The following HS6ST3 variants were observed in gnomAD, a reference collection of about 807,000 sequenced individuals.
The protein encoded by HS6ST3 is heparan sulfate 6-O-sulfotransferase 3.
HS6ST3 carries 12 observed loss-of-function variants against 36.7 expected under a neutral mutation model. The ratio of observed to expected loss-of-function variants is 0.33; its 90% CI spans 0.21 to 0.53. The LOEUF (loss-of-function observed/expected upper bound fraction) is 0.53. HS6ST3 is among the 20% of genes least tolerant of loss of function. The pLI is 0.95. For synonymous variants in HS6ST3, 240 were observed against 257.5 expected (o/e 0.93, Z 0.65); for missense variants, 584 against 640.9 (o/e 0.91, Z 0.96).
intron 1 of HS6ST3, among the ~76,000 whole-genome samples, chr13:96,256,136 T>C (rs2054635719): frequency 6.6e-6 from 1 of 152,212 alleles, no homozygotes; most frequent in African/African-American, 2.4e-5. Flanking sequence ...CAAATGTTAT[T>C]GTATAGACGA....
At chr13:96,300,381 G>T in intron 1 of HS6ST3, among the ~76,000 whole-genome samples, 1 of 151,852 alleles carries the variant, frequency 6.6e-6, no homozygotes, top group Admixed American at 6.6e-5. Context: ...TAAACAACCA[G>T]ATCTCCTGAC....
intron 1 of HS6ST3, among the ~76,000 whole-genome samples, chr13:96,659,366 T>C (rs1449206158): frequency 6.6e-6 from 1 of 152,160 alleles, no homozygotes; most frequent in East Asian, 1.9e-4. Context: ...TCATTTGCCT[T>C]TTTCTTATTA....
intron 1 of HS6ST3, among the ~76,000 whole-genome samples, chr13:96,527,491 C>T (rs1455838404): frequency 6.6e-6 from 1 of 152,086 alleles, no homozygotes; most frequent in African/African-American, 2.4e-5. Context: ...AATAAATACA[C>T]AATGTAACTC....
At chr13:96,259,665 A>G (rs2054654539) in intron 1 of HS6ST3, among the ~76,000 whole-genome samples, 1 of 152,138 alleles carries the variant, frequency 6.6e-6, no homozygotes, top group Non-Finnish European at 1.5e-5. Flanking sequence ...TCATCTTTTA[A>G]ATTTTTCTTT....
intron 1 of HS6ST3, among the ~76,000 whole-genome samples, chr13:96,475,235 A>G (rs1381263153): frequency 6.6e-6 from 1 of 152,084 alleles, no homozygotes; most frequent in Non-Finnish European, 1.5e-5. Flanking sequence ...CTCGTTTTGG[A>G]TCAAGAAGAT....
chr13:96,478,457 G>A (rs545023172), intron 1 of HS6ST3, among the ~76,000 whole-genome samples: 49 of 152,218 alleles, frequency 3.2e-4, no homozygotes, highest in African/African-American at 1.0e-3. Context: ...GATGACAGAA[G>A]CAGCTGGCAG....
intron 1 of HS6ST3, among the ~76,000 whole-genome samples, chr13:96,392,258 G>T (rs2055399597): frequency 6.6e-6 from 1 of 151,996 alleles, no homozygotes; most frequent in South Asian, 2.1e-4. Context: ...CTTTGACCTG[G>T]CCACATTAAA....
At chr13:96,629,830 T>G (rs960836220) in intron 1 of HS6ST3, among the ~76,000 whole-genome samples, 2 of 152,072 alleles carry the variant, frequency 1.3e-5, no homozygotes, top group Admixed American at 6.5e-5. Context: ...CTAAATGCAA[T>G]GTTTTTTTTT....
chr13:96,415,577 C>G (rs1017542165), intron 1 of HS6ST3, among the ~76,000 whole-genome samples: 2 of 152,148 alleles, frequency 1.3e-5, no homozygotes, highest in African/African-American at 4.8e-5. Context: ...GGAAATAAGA[C>G]CAGCTTGCAT....
chr13:96,245,462 C>G (rs1469182908), intron 1 of HS6ST3, among the ~76,000 whole-genome samples: 1 of 152,164 alleles, frequency 6.6e-6, no homozygotes, highest in Non-Finnish European at 1.5e-5. Flanking sequence ...TCGGCCCATT[C>G]ATGGTGTCTA....
chr13:96,467,192 A>G (rs1194695793), intron 1 of HS6ST3, among the ~76,000 whole-genome samples: 2 of 152,078 alleles, frequency 1.3e-5, no homozygotes, highest in Admixed American at 6.6e-5. Context: ...TAGAAGTTTC[A>G]AAGTTTGATT....
At chr13:96,784,499 G>A (rs1877595999) in intron 1 of HS6ST3, among the ~76,000 whole-genome samples, 1 of 152,144 alleles carries the variant, frequency 6.6e-6, no homozygotes. Context: ...TGTTCAACAA[G>A]AGCATGATAA....
At chr13:96,592,939 G>A (rs1404902073) in intron 1 of HS6ST3, among the ~76,000 whole-genome samples, 1 of 151,870 alleles carries the variant, frequency 6.6e-6, no homozygotes, top group Non-Finnish European at 1.5e-5. Context: ...TCTTCCTGGT[G>A]TTCTATAATC....
At chr13:96,769,408 C>G (rs1479559009) in intron 1 of HS6ST3, among the ~76,000 whole-genome samples, 1 of 150,580 alleles carries the variant, frequency 6.6e-6, no homozygotes, top group Non-Finnish European at 1.5e-5. Flanking sequence ...AACTCGTCAT[C>G]TAGCATTAGG....
intron 1 of HS6ST3, among the ~76,000 whole-genome samples, chr13:96,674,991 C>T (rs922086187): frequency 3.9e-5 from 6 of 152,066 alleles, no homozygotes; most frequent in African/African-American, 1.4e-4. Context: ...TAACATTAGT[C>T]GGAAATAACA....
At position 96,226,605 on chromosome 13, in the gene HS6ST3, C is replaced by A. The variant is rs7322965; in HGVS notation, c.707+135036C>A. Among the ~76,000 whole-genome samples, 746 of 152,240 alleles carry A rather than the reference C, an allele frequency of 4.9e-3. 9 individuals carry two copies. Among genetic ancestry groups the A allele is most frequent in the African/African-American group, 0.017 (708 of 41,558 alleles). ...GGTGGTTGTATATATTCTTGCTAATCAAAATATGTGAACCTTCTAACACAT... is the reference window on the plus strand; with the variant it reads ...GGTGGTTGTATATATTCTTGCTAATAAAAATATGTGAACCTTCTAACACAT... On this transcript the variant is annotated intron_variant, in intron 1 of 1. Transcript: ENST00000376705.
At chr13:96,492,935 C>T (rs981010570) in intron 1 of HS6ST3, among the ~76,000 whole-genome samples, 8 of 152,196 alleles carry the variant, frequency 5.3e-5, no homozygotes, top group Non-Finnish European at 4.4e-5. Flanking sequence ...CAAAATCATG[C>T]TCTCTGCTCC....
intron 1 of HS6ST3, among the ~76,000 whole-genome samples, chr13:96,666,356 A>G (rs1213359252): frequency 6.6e-6 from 1 of 152,118 alleles, no homozygotes; most frequent in Non-Finnish European, 1.5e-5. Context: ...GACAAACCAT[A>G]TTAGTGCTCA....
rs576736197 is a variant in HS6ST3, at chr13:96,184,286, T to C, written c.707+92717T>C. Among the ~76,000 whole-genome samples the C allele has an allele frequency of 3.0e-4, 45 of 151,634 alleles. No homozygotes were observed. The East Asian group carries it at 7.2e-3, about 24-fold the overall frequency. ...TTTATCTATGTGTATTTTACCACAA[T>C]TAAAAAAAATTTTTTTAAGTCTTCT... On this transcript the variant is annotated intron_variant, in intron 1 of 1. Coordinates refer to ENST00000376705, the MANE Select transcript of HS6ST3 (RefSeq NM_153456.4).
Sources: allele counts gnomAD v4.1 joint callset (sites outside exome capture counted in the v4.1 genomes callset), GRCh38; gene constraint gnomAD v4.1.1; transcripts MANE v1.5; gene names NCBI Gene and HGNC (gene_info 2026-07-23, HGNC 2026-07-21).